Variants in CHLSN observed in about 807,000 individuals in gnomAD.
The protein encoded by CHLSN is protein cholesin.
At chr7:1,053,794 T>C in the CHLSN span, among the ~76,000 whole-genome samples, 1 of 152,124 alleles carries the variant, frequency 6.6e-6, no homozygotes, top group East Asian at 1.9e-4. Flanking sequence ...GCCACTGCAC[T>C]CCAGCCTGGG....
the CHLSN span, among the ~76,000 whole-genome samples, chr7:1,059,866 T>C: frequency 1.3e-3 from 30 of 23,938 alleles, no homozygotes; most frequent in East Asian, 6.8e-3. Context: ...GGGGCGGGTC[T>C]GTAGTGGGGC....
chr7:1,032,815 C>A, the CHLSN span, among the ~76,000 whole-genome samples: 81 of 152,354 alleles, frequency 5.3e-4, no homozygotes, highest in Non-Finnish European at 1.0e-3. Context: ...CCAGAAAGCA[C>A]GATGCTAGGG....
chr7:1,030,697 C>G, the CHLSN span, among the ~76,000 whole-genome samples: 1 of 151,854 alleles, frequency 6.6e-6, no homozygotes, highest in Non-Finnish European at 1.5e-5. Context: ...ACTCTCTCCC[C>G]AGGCAGGCGG....
At chr7:1,107,165 T>C in the CHLSN span, among the ~76,000 whole-genome samples, 21 of 151,726 alleles carry the variant, frequency 1.4e-4, no homozygotes, top group African/African-American at 5.1e-4. Flanking sequence ...CATGTGTCCA[T>C]GTGCACTGTG....
At chr7:1,075,251 C>A in the CHLSN span, among the ~76,000 whole-genome samples, 1 of 152,104 alleles carries the variant, frequency 6.6e-6, no homozygotes, top group Non-Finnish European at 1.5e-5. Flanking sequence ...CGGTGGCTCA[C>A]GCCTGTAATC....
chr7:1,132,852 C>T, the CHLSN span, among the ~76,000 whole-genome samples: 1 of 152,088 alleles, frequency 6.6e-6, no homozygotes, highest in Non-Finnish European at 1.5e-5. Context: ...GGGAAGGGAT[C>T]TGAAGAGACG....
chr7:1,073,688 ACG>A, the CHLSN span, among the ~76,000 whole-genome samples: 1 of 13,904 alleles, frequency 7.2e-5, no homozygotes, highest in Non-Finnish European at 1.6e-4. Flanking sequence ...GACGCCCCCC[ACG>A]ACCCCGCACC....
the CHLSN span, chr7:1,010,110 C>T: frequency 6.2e-6 from 10 of 1,612,778 alleles, no homozygotes; most frequent in Non-Finnish European, 8.5e-6. Flanking sequence ...AGCTCTGGCT[C>T]TGCGTCCAGC....
At chr7:1,120,144 CA>C in the CHLSN span, among the ~76,000 whole-genome samples, 2 of 151,972 alleles carry the variant, frequency 1.3e-5, no homozygotes, top group Admixed American at 1.3e-4. Context: ...TAAGAGCAGC[CA>C]AAAATTATAC....
the CHLSN span, among the ~76,000 whole-genome samples, chr7:1,016,107 CAGCGCACAG>C: frequency 1.9e-5 from 2 of 104,640 alleles, no homozygotes; most frequent in Admixed American, 9.0e-5. Flanking sequence ...CAGCACACAG[CAGCGCACAG>C]CAGCACACAG....
At chr7:1,032,798 G>A in the CHLSN span, among the ~76,000 whole-genome samples, 7 of 152,220 alleles carry the variant, frequency 4.6e-5, no homozygotes, top group South Asian at 2.1e-4. Context: ...AACACTGGTC[G>A]GAGTCGCCAG....
the CHLSN span, chr7:1,074,880 A>T: frequency 1.3e-5 from 2 of 152,534 alleles, no homozygotes; most frequent in Admixed American, 6.5e-5. Context: ...ATCAGAGAGC[A>T]GAGGGCAAGG....
At chr7:1,051,912 A>T in the CHLSN span, among the ~76,000 whole-genome samples, 3 of 152,260 alleles carry the variant, frequency 2.0e-5, no homozygotes, top group Non-Finnish European at 2.9e-5. Flanking sequence ...CAGGAGGCAG[A>T]GGGTGCAGTT....
At chr7:1,135,670 G>C in the CHLSN span, among the ~76,000 whole-genome samples, 1 of 151,020 alleles carries the variant, frequency 6.6e-6, no homozygotes, top group Non-Finnish European at 1.5e-5. Context: ...GGGAGGCTGA[G>C]GCAGGAGAAT....
chr7:1,116,705 C>A, the CHLSN span, among the ~76,000 whole-genome samples: 1 of 54,888 alleles, frequency 1.8e-5, no homozygotes, highest in Non-Finnish European at 3.1e-5. Flanking sequence ...CTCTACGGAC[C>A]GGCTTCCATC....
chr7:996,738 T>C, the CHLSN span, among the ~76,000 whole-genome samples: 1 of 152,208 alleles, frequency 6.6e-6, no homozygotes, highest in Middle Eastern at 3.2e-3. Context: ...CACGTGCTGC[T>C]GGGAACAGGA....
the CHLSN span, among the ~76,000 whole-genome samples, chr7:1,041,941 G>C: frequency 0.013 from 2,001 of 152,240 alleles, 41 homozygotes; most frequent in African/African-American, 0.046. Flanking sequence ...AAAGCCTGCC[G>C]ACCCGCCTGA....
At chr7:1,127,133 G>A in the CHLSN span, 15 of 1,131,216 alleles carry the variant, frequency 1.3e-5, no homozygotes, top group Admixed American at 6.3e-5. Flanking sequence ...GCCCCACCAC[G>A]CCTCCGCACC....
chr7:1,086,768 C>A, the CHLSN span: 1 of 155,392 alleles, frequency 6.4e-6, no homozygotes, highest in Non-Finnish European at 1.4e-5. Flanking sequence ...GGGGGGAGCC[C>A]ACGCAGGTCT....
Sources: allele counts gnomAD v4.1 joint callset (sites outside exome capture counted in the v4.1 genomes callset), GRCh38; gene constraint gnomAD v4.1.1; transcripts MANE v1.5; gene names NCBI Gene and HGNC (gene_info 2026-07-23, HGNC 2026-07-21).